Variants in CPPED1 observed in about 807,000 individuals in gnomAD.
CPPED1 encodes the protein calcineurin like phosphoesterase domain containing 1.
Under a neutral mutation model 28.0 loss-of-function variants are expected in CPPED1, and 28 were observed. The ratio of observed to expected loss-of-function variants is 1.00; its 90% CI spans 0.74 to 1.37. The LOEUF (loss-of-function observed/expected upper bound fraction) is 1.37, where lower values mean the gene tolerates loss of function less well. Ranked by LOEUF, CPPED1 falls within the 40% of genes most tolerant of loss-of-function variation. CPPED1 has a pLI of 0.00. For missense variants in CPPED1, 504 were observed against 416.5 expected (o/e 1.21, Z -1.83); for synonymous variants, 198 against 180.2 (o/e 1.10, Z -0.79).
At chr16:12,750,623 A>T (rs983326040) in intron 2 of CPPED1, among the ~76,000 whole-genome samples, 1 of 152,186 alleles carries the variant, frequency 6.6e-6, no homozygotes, top group Non-Finnish European at 1.5e-5. Context: ...AAGAAGAAAA[A>T]GTTCAAAATA....
intron 3 of CPPED1, among the ~76,000 whole-genome samples, chr16:12,702,051 T>C (rs2080023460): frequency 6.6e-6 from 1 of 152,160 alleles, no homozygotes; most frequent in Non-Finnish European, 1.5e-5. Flanking sequence ...TTGCTCTAAA[T>C]TAATCAACTG....
chr16:12,788,577 G>A (rs922723205), intron 1 of CPPED1, among the ~76,000 whole-genome samples: 3 of 152,116 alleles, frequency 2.0e-5, no homozygotes, highest in African/African-American at 7.2e-5. Flanking sequence ...GGTCTGGGTA[G>A]TGAGGGGGAA....
At chr16:12,671,878 T>C (rs913929554) in intron 3 of CPPED1, among the ~76,000 whole-genome samples, 1 of 152,176 alleles carries the variant, frequency 6.6e-6, no homozygotes, top group Non-Finnish European at 1.5e-5. Flanking sequence ...CACAAATCCC[T>C]ACCATGGACG....
intron 2 of CPPED1, among the ~76,000 whole-genome samples, chr16:12,717,561 G>T (rs1328610139): frequency 2.0e-5 from 3 of 151,654 alleles, no homozygotes; most frequent in African/African-American, 7.3e-5. Flanking sequence ...ACCGTGCCCG[G>T]CTGGGATCAT....
intron 2 of CPPED1, among the ~76,000 whole-genome samples, chr16:12,742,800 G>A (rs1423175178): frequency 3.9e-5 from 6 of 152,124 alleles, no homozygotes; most frequent in African/African-American, 1.4e-4. Flanking sequence ...AGGACTCACA[G>A]GACCCCGCAT....
chr16:12,752,056 C>G (rs1356745756), intron 2 of CPPED1, among the ~76,000 whole-genome samples: 2 of 152,192 alleles, frequency 1.3e-5, no homozygotes, highest in African/African-American at 4.8e-5. Flanking sequence ...ATTTCCCACT[C>G]TATCCCAAAT....
At chr16:12,748,100 G>A (rs970309885) in intron 2 of CPPED1, among the ~76,000 whole-genome samples, 1 of 152,110 alleles carries the variant, frequency 6.6e-6, no homozygotes, top group African/African-American at 2.4e-5. Context: ...GCAATATCCT[G>A]GAATGCTGAA....
At chr16:12,673,956 G>GCT (rs2079865488) in intron 3 of CPPED1, among the ~76,000 whole-genome samples, 2 of 152,190 alleles carry the variant, frequency 1.3e-5, no homozygotes, top group African/African-American at 2.4e-5. Flanking sequence ...GGCTGAGAAG[G>GCT]GAGGATTGCT....
chr16:12,744,876 TG>T, intron 2 of CPPED1, among the ~76,000 whole-genome samples: 1 of 152,162 alleles, frequency 6.6e-6, no homozygotes, highest in African/African-American at 2.4e-5. Flanking sequence ...CCCAGCTACT[TG>T]GAAGGCTGAG....
rs765975173 is a variant in CPPED1 at position 12,803,769 on chromosome 16, G to A, written c.8C>T (p.Ala3Val). 1.4e-5 allele frequency: 22 copies of A among 1,600,132 alleles called. No homozygotes were observed. The highest frequency in any genetic ancestry group is 1.8e-5 in the Non-Finnish European group (21 of 1,174,298). MS[A>V]AEAGGVFHRA... ...GTGGAAAACACCCCCCGCCTCTGCAGCCGACATGGCGAGCGAGTTTCTGGC... is the reference window on the plus strand; with the variant it reads ...GTGGAAAACACCCCCCGCCTCTGCAACCGACATGGCGAGCGAGTTTCTGGC... Residue 3 changes from alanine to valine, a missense_variant, in exon 1 of 4, where the codon GCT becomes GTT. Ala to Val is a moderately conservative substitution (Grantham distance 64, BLOSUM62 0). Transcript: ENST00000381774.
chr16:12,750,515 A>G (rs911716364), intron 2 of CPPED1, among the ~76,000 whole-genome samples: 3 of 152,194 alleles, frequency 2.0e-5, no homozygotes, highest in African/African-American at 7.2e-5. Flanking sequence ...CCATTTATCT[A>G]TTATATTTGC....
intron 3 of CPPED1, among the ~76,000 whole-genome samples, chr16:12,668,582 A>G (rs192813464): frequency 6.6e-6 from 1 of 152,378 alleles, no homozygotes; most frequent in Admixed American, 6.5e-5. Context: ...ATATTTGCAA[A>G]TCATGTATCT....
chr16:12,783,405 G>C (rs1000793823), intron 1 of CPPED1, among the ~76,000 whole-genome samples: 4 of 151,938 alleles, frequency 2.6e-5, no homozygotes, highest in African/African-American at 9.7e-5. Context: ...AGGCTGAGGT[G>C]AGAGGAATAC....
intron 2 of CPPED1, among the ~76,000 whole-genome samples, chr16:12,773,852 C>T (rs991468451): frequency 2.6e-5 from 4 of 152,180 alleles, no homozygotes; most frequent in African/African-American, 9.7e-5. Context: ...TACATGCTAC[C>T]AGTAAACAAT....
At chr16:12,800,825 A>G (rs2080655105) in intron 1 of CPPED1, among the ~76,000 whole-genome samples, 2 of 151,902 alleles carry the variant, frequency 1.3e-5, no homozygotes, top group African/African-American at 4.8e-5. Flanking sequence ...CATGGTCCAC[A>G]TGGTCTTCCC....
chr16:12,768,133 C>G (rs1036666899), intron 2 of CPPED1, among the ~76,000 whole-genome samples: 1 of 152,226 alleles, frequency 6.6e-6, no homozygotes, highest in African/African-American at 2.4e-5. Flanking sequence ...GAACCTTCAA[C>G]TGAATTCTAT....
chr16:12,684,379 C>T (rs115831279), intron 3 of CPPED1, among the ~76,000 whole-genome samples: 1,560 of 152,196 alleles, frequency 0.01, 38 homozygotes, highest in African/African-American at 0.035. Flanking sequence ...CCACTTGGGC[C>T]ACTTCGTCAA....
intron 2 of CPPED1, among the ~76,000 whole-genome samples, chr16:12,712,706 C>T (rs2080086537): frequency 6.6e-6 from 1 of 151,976 alleles, no homozygotes; most frequent in Non-Finnish European, 1.5e-5. Flanking sequence ...TAAGTGAAAA[C>T]AGGAAGTTAT....
chr16:12,700,190 T>A (rs2080013055), intron 3 of CPPED1, among the ~76,000 whole-genome samples: 1 of 152,196 alleles, frequency 6.6e-6, no homozygotes, highest in African/African-American at 2.4e-5. Flanking sequence ...GCCTTCTCTG[T>A]GAAGCAGGTT....
Sources: allele counts gnomAD v4.1 joint callset (sites outside exome capture counted in the v4.1 genomes callset), GRCh38; gene constraint gnomAD v4.1.1; transcripts MANE v1.5; gene names NCBI Gene and HGNC (gene_info 2026-07-23, HGNC 2026-07-21).